The following ERBB4 variants were observed in gnomAD, a reference collection of about 807,000 sequenced individuals.
ERBB4 encodes the protein receptor tyrosine-protein kinase erbB-4.
In ERBB4, 42 loss-of-function variants were observed where a neutral mutation model predicts 158.0. The observed-to-expected ratio is 0.27, with a 90% CI of 0.21 to 0.34. The LOEUF is 0.34. Ranked by LOEUF, ERBB4 falls within the 10% of genes least tolerant of loss-of-function variation. The pLI, the probability that ERBB4 is intolerant of heterozygous loss-of-function variation, is 1.00. For synonymous variants in ERBB4, 583 were observed against 558.7 expected (o/e 1.04, Z -0.61); for missense variants, 1,333 against 1,624.1 (o/e 0.82, Z 3.08).
At chr2:211,856,609 G>A (rs1347447399) in intron 3 of ERBB4, among the ~76,000 whole-genome samples, 1 of 151,792 alleles carries the variant, frequency 6.6e-6, no homozygotes, top group African/African-American at 2.4e-5. Flanking sequence ...GGATGGTCTC[G>A]ATCTCCTGGC....
chr2:211,894,777 G>T (rs2079057974), intron 3 of ERBB4, among the ~76,000 whole-genome samples: 1 of 151,972 alleles, frequency 6.6e-6, no homozygotes, highest in African/African-American at 2.4e-5. Context: ...GAGTGTAAAT[G>T]GTGCTTTAAT....
At chr2:211,394,855 A>G (rs1559125007) in intron 25 of ERBB4, among the ~76,000 whole-genome samples, 1 of 152,064 alleles carries the variant, frequency 6.6e-6, no homozygotes, top group Non-Finnish European at 1.5e-5. Flanking sequence ...GTCTCATGAA[A>G]TCCTTCTACC....
At chr2:212,310,607 ATATG>A (rs900310908) in intron 1 of ERBB4, among the ~76,000 whole-genome samples, 6 of 80,370 alleles carry the variant, frequency 7.5e-5, no homozygotes, top group East Asian at 6.8e-4. Context: ...ATATATATGT[ATATG>A]TGTGTGTGTG....
chr2:212,439,452 C>A (rs748622499), intron 1 of ERBB4, among the ~76,000 whole-genome samples: 2 of 152,000 alleles, frequency 1.3e-5, no homozygotes, highest in Non-Finnish European at 1.5e-5. Context: ...TAGAAGACAT[C>A]CATTGGTTAT....
At chr2:211,445,853 C>T (rs969034422) in intron 20 of ERBB4, among the ~76,000 whole-genome samples, 1 of 152,028 alleles carries the variant, frequency 6.6e-6, no homozygotes, top group African/African-American at 2.4e-5. Flanking sequence ...TTATATGATG[C>T]ATGAGAGGAG....
chr2:212,011,820 G>A (rs548141172), intron 2 of ERBB4, among the ~76,000 whole-genome samples: 2 of 152,002 alleles, frequency 1.3e-5, no homozygotes, highest in East Asian at 3.9e-4. Context: ...ATAATGTCTG[G>A]ATGTTTCTCT....
At chr2:211,970,672 G>A (rs1227713296) in intron 2 of ERBB4, among the ~76,000 whole-genome samples, 6 of 152,076 alleles carry the variant, frequency 3.9e-5, no homozygotes, top group Non-Finnish European at 8.8e-5. Flanking sequence ...TTTGAAGTCT[G>A]TTTTGGTAAA....
intron 1 of ERBB4, among the ~76,000 whole-genome samples, chr2:212,341,799 G>A (rs2088729193): frequency 6.6e-6 from 1 of 152,190 alleles, no homozygotes; most frequent in East Asian, 1.9e-4. Context: ...TTTACCTTGG[G>A]CTTCAAAGGA....
In ERBB4 at chr2:211,376,855, G is replaced by A. The variant is rs755551280; in HGVS notation, c.*6760C>T. The A allele has an allele frequency of 3.0e-4, 69 of 233,066 alleles. No individual in the cohort carries two copies. The highest frequency in any genetic ancestry group is 1.3e-3 in the Middle Eastern group (1 of 784). The allele number at this position is 233,066 out of a possible 1,614,324, so 14.4% of individuals were successfully genotyped here. On this transcript the variant is annotated 3_prime_UTR_variant, in exon 28 of 28. Coordinates refer to ENST00000342788, the MANE Select transcript of ERBB4 (RefSeq NM_005235.3). ...AAATGCGGTTTCAGCATGCAGCCAC[G>A]CAATCCCTGGTGCTCTCAACATGAG...
chr2:211,656,945 A>T (rs893919135), intron 16 of ERBB4, among the ~76,000 whole-genome samples: 1 of 152,152 alleles, frequency 6.6e-6, no homozygotes, highest in African/African-American at 2.4e-5. Context: ...TTGTGTGGGA[A>T]TGAGTCTTAC....
chr2:211,655,082 CTA>C (rs1447696611), intron 16 of ERBB4, among the ~76,000 whole-genome samples: 11 of 152,120 alleles, frequency 7.2e-5, no homozygotes, highest in African/African-American at 2.7e-4. Context: ...GCATTAAGGA[CTA>C]TAAGTGATCT....
At chr2:212,058,096 G>A (rs1021704462) in intron 2 of ERBB4, among the ~76,000 whole-genome samples, 1 of 151,972 alleles carries the variant, frequency 6.6e-6, no homozygotes, top group Admixed American at 6.6e-5. Context: ...AATAAAAAAT[G>A]ATAAAGGGGA....
At chr2:212,228,603 T>C (rs2083556159) in intron 1 of ERBB4, among the ~76,000 whole-genome samples, 1 of 152,132 alleles carries the variant, frequency 6.6e-6, no homozygotes, top group South Asian at 2.1e-4. Context: ...CAGTAAAGAC[T>C]ATTTTCATCC....
intron 1 of ERBB4, among the ~76,000 whole-genome samples, chr2:212,514,465 A>G (rs1691711969): frequency 6.6e-6 from 1 of 152,218 alleles, no homozygotes; most frequent in African/African-American, 2.4e-5. Flanking sequence ...ATGTATACCC[A>G]TGAAATATTA....
intron 20 of ERBB4, among the ~76,000 whole-genome samples, chr2:211,458,746 C>G (rs555739604): frequency 6.6e-6 from 1 of 152,122 alleles, no homozygotes; most frequent in Admixed American, 6.5e-5. Context: ...GCTTTGCTTT[C>G]AGGGGAATCC....
chr2:212,107,952 T>C (rs2079281915), intron 2 of ERBB4, among the ~76,000 whole-genome samples: 1 of 152,232 alleles, frequency 6.6e-6, no homozygotes, highest in African/African-American at 2.4e-5. Context: ...TAAACCTTTT[T>C]TCTTTTTAAA....
chr2:211,847,041 T>C (rs1346003037), intron 3 of ERBB4, among the ~76,000 whole-genome samples: 1 of 152,064 alleles, frequency 6.6e-6, no homozygotes, highest in Non-Finnish European at 1.5e-5. Flanking sequence ...AGTTCAAGGA[T>C]TTCCTCTGAC....
chr2:211,496,501 T>G (rs1173541692), intron 20 of ERBB4, among the ~76,000 whole-genome samples: 1 of 151,850 alleles, frequency 6.6e-6, no homozygotes, highest in Non-Finnish European at 1.5e-5. Flanking sequence ...AAAATTCTCT[T>G]TCTCTAACAT....
chr2:212,424,609 T>C (rs1349275359), intron 1 of ERBB4, among the ~76,000 whole-genome samples: 1 of 152,162 alleles, frequency 6.6e-6, no homozygotes, highest in Non-Finnish European at 1.5e-5. Context: ...ACAAATCAAG[T>C]TGATGTCTTA....
Sources: allele counts gnomAD v4.1 joint callset (sites outside exome capture counted in the v4.1 genomes callset), GRCh38; gene constraint gnomAD v4.1.1; transcripts MANE v1.5; gene names NCBI Gene and HGNC (gene_info 2026-07-23, HGNC 2026-07-21).